CHEK2: variants seen among roughly 807,000 people sequenced by gnomAD.
CHEK2 encodes the protein serine/threonine-protein kinase Chk2.
CHEK2 carries 71 observed loss-of-function variants against 69.1 expected under a neutral mutation model. The ratio of observed to expected loss-of-function variants is 1.03; its 90% CI spans 0.85 to 1.25. CHEK2 has a LOEUF of 1.25. CHEK2 is among the 50% of genes most tolerant of loss of function. CHEK2 has a pLI of 0.00. For synonymous variants in CHEK2, 189 were observed against 226.9 expected (o/e 0.83, Z 1.50); for missense variants, 664 against 649.6 (o/e 1.02, Z -0.24).
chr22:28,737,523 G>A (rs2054447879), intron 1 of CHEK2, among the ~76,000 whole-genome samples: 1 of 149,052 alleles, frequency 6.7e-6, no homozygotes, highest in Admixed American at 6.7e-5. Flanking sequence ...AGGCTGGAGT[G>A]CAGTGGCACA....
intron 8 of CHEK2, among the ~76,000 whole-genome samples, chr22:28,702,519 T>C (rs1465936317): frequency 2.7e-5 from 4 of 149,524 alleles, no homozygotes; most frequent in African/African-American, 7.4e-5. Flanking sequence ...ATTACAGATG[T>C]GAGCCACTGC....
chr22:28,730,244 G>GAGGGGAGAGA lies in CHEK2; in HGVS notation c.319+4158_319+4159insTCTCTCCCCT, dbSNP rs2054160132. Among the ~76,000 whole-genome samples the GAGGGGAGAGA allele has an allele frequency of 1.5e-5, 2 of 134,810 alleles. 1 individual carries two copies. Among genetic ancestry groups the GAGGGGAGAGA allele is most frequent in the African/African-American group, 5.6e-5 (2 of 35,426 alleles). 88.4% of individuals were successfully genotyped at this position (134,810 alleles called of 152,430 possible). A position where few individuals can be genotyped will look rare whatever the true frequency, so the allele number is the denominator to read the frequency against. On this transcript the variant is annotated intron_variant, in intron 2 of 14. Transcript: ENST00000404276. ...GGAGAGAGAAGAGGAAAGAAAAGAG[G>GAGGGGAGAGA]AGAGGAGAGGAGGGGAGGGGAGGAA...
At chr22:28,700,038 A>T in intron 8 of CHEK2, 101 bp from the exon 9 acceptor site, 2 of 768,698 alleles carry the variant, frequency 2.6e-6, no homozygotes, top group Non-Finnish European at 4.4e-6. Context: ...ACAAGCAAAC[A>T]GTTGACATTT....
At chr22:28,733,550 C>G (rs1018610021) in intron 2 of CHEK2, among the ~76,000 whole-genome samples, 2 of 152,150 alleles carry the variant, frequency 1.3e-5, no homozygotes, top group Non-Finnish European at 2.9e-5. Context: ...AAGAGTGGCT[C>G]AAGCATTCTG....
rs1555915533 is a variant in CHEK2, at chr22:28,699,927, C to T, written c.919G>A (p.Gly307Arg). The T allele has an allele frequency of 1.2e-6, 2 of 1,613,252 alleles. No individual in the cohort carries two copies. The highest frequency in any genetic ancestry group is 1.3e-5 in the African/African-American group (1 of 74,976). ...YYIVLELMEGGELFDKVVGNK... is the reference protein window; with the variant it reads ...YYIVLELMEGRELFDKVVGNK... ...CCCACCACTTTGTCAAACAGCTCTCCCCCTTCCATCCTGAAACACAAAGGC... is the reference window on the plus strand; with the variant it reads ...CCCACCACTTTGTCAAACAGCTCTCTCCCTTCCATCCTGAAACACAAAGGC... Residue 307 changes from glycine to arginine, a missense_variant, in exon 9 of 15, where the codon GGA becomes AGA. Transcript: ENST00000404276.
In CHEK2 at chr22:28,719,441, G is replaced by A. The variant is rs2146006207; in HGVS notation, c.637C>T (p.Pro213Ser). The A allele has an allele frequency of 6.3e-7, 1 of 1,598,450 alleles. No homozygotes were observed. The highest frequency in any genetic ancestry group is 1.1e-5 in the South Asian group (1 of 89,040). ...ATGTATTCATCTCTTAATGCCTTAG[G>A]ATAAACTGACTGATCATCTACAGTC... ...DLTVDDQSVY[P>S]KALRDEYIMS... Residue 213 changes from proline to serine, a missense_variant, in exon 5 of 15, where the codon CCT becomes TCT. By Grantham distance (74) the Pro-to-Ser change is moderately conservative (BLOSUM62 -1). Transcript: ENST00000404276.
At chr22:28,726,683 G>C (rs888408924) in intron 2 of CHEK2, among the ~76,000 whole-genome samples, 2 of 147,806 alleles carry the variant, frequency 1.4e-5, no homozygotes, top group Admixed American at 7.0e-5. Flanking sequence ...AAAAGTTCTC[G>C]AGTAATTTTT....
intron 7 of CHEK2, among the ~76,000 whole-genome samples, chr22:28,706,241 C>T (rs1949527148): frequency 6.6e-6 from 1 of 151,902 alleles, no homozygotes; most frequent in Non-Finnish European, 1.5e-5. Context: ...GGAGAGGTTG[C>T]ACTAAGCCGA....
At chr22:28,702,464 T>A (rs1432304595) in intron 8 of CHEK2, among the ~76,000 whole-genome samples, 7 of 151,432 alleles carry the variant, frequency 4.6e-5, no homozygotes, top group Admixed American at 3.3e-4. Context: ...GGCCTCGATC[T>A]CCTGACCTTG....
intron 1 of CHEK2, chr22:28,737,868 G>A (rs1569176025): frequency 6.6e-6 from 1 of 152,486 alleles, no homozygotes; most frequent in African/African-American, 2.4e-5. Context: ...CTGATAAGGA[G>A]GGACTAAGAT....
chr22:28,699,664 TGA>T (rs2052744987), intron 9 of CHEK2, 172 bp downstream of exon 9: 1 of 642,786 alleles, frequency 1.6e-6, no homozygotes, highest in African/African-American at 1.8e-5. Flanking sequence ...GCCTCGCCAG[TGA>T]GAGCTTTTTC....
chr22:28,725,321 T>G lies in CHEK2; in HGVS notation c.366A>C (p.Glu122Asp), dbSNP rs1331351515. 1 of 1,614,050 alleles carries G rather than the reference T, an allele frequency of 6.2e-7. No homozygotes were observed. ...NYWFGRDKSCEYCFDEPLLKR... is the reference protein window; with the variant it reads ...NYWFGRDKSCDYCFDEPLLKR... ...TCAGCAGTGGTTCATCAAAGCAATA[T>G]TCACAGCTTTTGTCCCTCCCAAACC... is the stretch of plus-strand genomic sequence containing the variant. The change falls in exon 3 of 15, where the codon GAA becomes GAC. Residue 122 changes from glutamate to aspartate, a missense_variant. Transcript: ENST00000404276.
In CHEK2 at chr22:28,739,501, C is replaced by T. The variant is rs2054501237; in HGVS notation, c.-7+2268G>A. 2.0e-5 allele frequency among the ~76,000 whole-genome samples: 3 copies of T among 151,310 alleles called. No individual in the cohort carries two copies. In the South Asian group the frequency reaches 6.3e-4, roughly 32 times the overall value. Reference sequence around the variant, plus strand: ...GGTCAGGAGTTTGAGACCAGCCTGGCCAACATGGTGAAACCTGTCTCCACT... The same window carrying T: ...GGTCAGGAGTTTGAGACCAGCCTGGTCAACATGGTGAAACCTGTCTCCACT... On this transcript the variant is annotated intron_variant, in intron 1 of 14. Transcript: ENST00000404276.
intron 9 of CHEK2, among the ~76,000 whole-genome samples, chr22:28,699,613 T>G (rs1338138665): frequency 6.6e-6 from 1 of 151,420 alleles, no homozygotes; most frequent in Non-Finnish European, 1.5e-5. Flanking sequence ...TCCGCCCGCT[T>G]GGCCTCCCAA....
intron 2 of CHEK2, chr22:28,726,406 T>C (rs995038024): frequency 1.4e-5 from 2 of 147,270 alleles, no homozygotes; most frequent in African/African-American, 4.9e-5. Flanking sequence ...ATATATTATA[T>C]ATTTATTTTA....
rs143965148 is a variant in CHEK2 at position 28,689,188 on chromosome 22, C to T, written c.1489G>A (p.Asp497Asn). The change falls in exon 14 of 15, where the codon GAT (aspartate) becomes AAT (asparagine). Residue 497 changes from aspartate (D) to asparagine (N), a missense_variant. Asp to Asn is a conservative substitution (Grantham distance 23). Transcript: ENST00000404276. ...QDEDMKRKFQ[D>N]LLSEENESTA... ...GATTCATTTTCCTCAGACAGAAGAT[C>T]TTGAAACTTTCTCTTCATGTCTTCA... 1.2e-4 allele frequency: 184 copies of T among 1,593,858 alleles called. No homozygotes were observed. The highest frequency in any genetic ancestry group is 8.0e-4 in the Admixed American group (48 of 59,988).
chr22:28,696,436 C>T (rs1035860204), intron 10 of CHEK2, among the ~76,000 whole-genome samples: 1 of 152,192 alleles, frequency 6.6e-6, no homozygotes, highest in African/African-American at 2.4e-5. Flanking sequence ...TGCAGTGGTG[C>T]GATCTCAGCT....
chr22:28,692,828 T>C (rs1032621342), intron 13 of CHEK2, among the ~76,000 whole-genome samples: 1 of 152,156 alleles, frequency 6.6e-6, no homozygotes, highest in African/African-American at 2.4e-5. Flanking sequence ...ATGGGGGCAG[T>C]TTCCCCCAGG....
chr22:28,734,257 A>T (rs2054303758), intron 2 of CHEK2, 146 bp downstream of exon 2: 1 of 746,152 alleles, frequency 1.3e-6, no homozygotes, highest in Non-Finnish European at 2.3e-6. Flanking sequence ...CTATGCTTTC[A>T]TTGCTTGTTC....
Sources: allele counts gnomAD v4.1 joint callset (sites outside exome capture counted in the v4.1 genomes callset), GRCh38; gene constraint gnomAD v4.1.1; transcripts MANE v1.5; gene names NCBI Gene and HGNC (gene_info 2026-07-23, HGNC 2026-07-21).